The following SMARCD2 variants were observed in gnomAD, a reference collection of about 807,000 sequenced individuals.
The protein encoded by SMARCD2 is SWI/SNF-related matrix-associated actin-dependent regulator of chromatin subfamily D member 2.
Under a neutral mutation model 70.4 loss-of-function variants are expected in SMARCD2, and 39 were observed. The observed-to-expected ratio is 0.55, with a 90% CI of 0.43 to 0.72. The LOEUF is 0.72. SMARCD2 is among the 30% of genes least tolerant of loss of function. The pLI is 0.00. For synonymous variants in SMARCD2, 249 were observed against 279.4 expected (o/e 0.89, Z 1.08); for missense variants, 540 against 713.4 (o/e 0.76, Z 2.77).
chr17:63,839,375 A>C, intron 1 of SMARCD2: 1 of 256,256 alleles, frequency 3.9e-6, no homozygotes, highest in Non-Finnish European at 6.1e-6. Context: ...TGCTCCGGTA[A>C]CAGGAAGTCC....
In SMARCD2 at chr17:63,837,210, C is replaced by T. The variant is rs1259448837; in HGVS notation, c.429G>A (p.Lys143=). ...TAACACTTACTCGCTGAGGTAGAAC[C>T]TTATCTGCCATCTTCCTCCTCTTTA... ...RGLKRRKMAD[K]VLPQRIRELV... The change falls in exon 3 of 13, where the codon AAG becomes AAA. Residue 143 remains lysine (K), a synonymous_variant. Transcript: ENST00000448276. This position sits in a 1 kb window ranked among gnomAD's most constrained non-coding sequence, Gnocchi z 6.4. 1.2e-6 allele frequency: 2 copies of T among 1,613,760 alleles called. No individual in the cohort carries two copies. Among genetic ancestry groups the T allele is most frequent in the Non-Finnish European group, 1.7e-6 (2 of 1,179,890 alleles).
Position 63,832,539 on chromosome 17 carries a change from G to A in SMARCD2, c.*399C>T, listed in dbSNP as rs1334980463. The A allele has an allele frequency of 7.4e-6, 2 of 269,582 alleles. No individual in the cohort carries two copies. Among genetic ancestry groups the A allele is most frequent in the Non-Finnish European group, 1.4e-5 (2 of 140,414 alleles). The allele number at this position is 269,582 out of a possible 1,614,324, so 16.7% of individuals were successfully genotyped here. On this transcript the variant is annotated 3_prime_UTR_variant, in exon 13 of 13. Coordinates refer to ENST00000448276, the MANE Select transcript of SMARCD2 (RefSeq NM_001098426.2). ...AAGAACTTTGGTTTAGAAAGGCTAG[G>A]AAGAGTCTGGGCTGCACCTCCTCTT...
At chr17:63,842,172 A>G (rs760849823) in intron 1 of SMARCD2, among the ~76,000 whole-genome samples, 11 of 151,926 alleles carry the variant, frequency 7.2e-5, no homozygotes, top group Non-Finnish European at 1.6e-4. Context: ...ACCCGCCACA[A>G]TTCACTGGCT....
At chr17:63,839,506 A>C (rs1431459412) in intron 1 of SMARCD2, among the ~76,000 whole-genome samples, 3 of 151,964 alleles carry the variant, frequency 2.0e-5, no homozygotes, top group African/African-American at 7.3e-5. Context: ...TTATAGTTCA[A>C]GTCCCAGCTG....
At chr17:63,835,290 T>G in intron 5 of SMARCD2, 122 bp downstream of exon 5, 1 of 1,034,030 alleles carries the variant, frequency 9.7e-7, no homozygotes, top group East Asian at 2.6e-5. Context: ...ACCCAGCTAA[T>G]TTTTAAATTT....
At position 63,837,416 on chromosome 17, in the gene SMARCD2, A is replaced by C. The variant is rs201407000; in HGVS notation, c.401+25T>G. ...CTACCACCAGAGCTGAGTTAGGCAG[A>C]GTGAGAGAAGCAGGATGCTCTTACC... On this transcript the variant is annotated intron_variant, in intron 2 of 12. Coordinates refer to ENST00000448276, the MANE Select transcript of SMARCD2 (RefSeq NM_001098426.2). The surrounding 1 kb of genome is among the most constrained non-coding windows in gnomAD (Gnocchi z 6.4). 7.6e-6 allele frequency: 12 copies of C among 1,570,234 alleles called. No homozygotes were observed. The African/African-American group carries it at 1.5e-4, about 20-fold the overall frequency.
rs775593754 is a variant in SMARCD2 at position 63,832,820 on chromosome 17, G to C, written c.*118C>G. The C allele has an allele frequency of 6.9e-5, 56 of 806,514 alleles. No individual in the cohort carries two copies. The highest frequency in any genetic ancestry group is 1.1e-4 in the Non-Finnish European group (53 of 474,122). The allele number at this position is 806,514 out of a possible 1,614,324, so 50.0% of individuals were successfully genotyped here. On this transcript the variant is annotated 3_prime_UTR_variant, in exon 13 of 13. Coordinates refer to ENST00000448276, the MANE Select transcript of SMARCD2 (RefSeq NM_001098426.2). The stretch of plus-strand genomic sequence containing the variant: ...CTACATTTATAAGACTAAAGCTGGA[G>C]AGTAGAGGGTGACAGCAGACACTCC...
chr17:63,835,481 A>G lies in SMARCD2; in HGVS notation c.654T>C (p.Pro218=). The change falls in exon 5 of 13, where the codon CCT becomes CCC. Residue 218 remains proline, a synonymous_variant. Transcript: ENST00000448276. The part of the protein sequence containing the change: ...EGDSAGTAGT[P]GGTPAGDKVA... ...CCTTGTCCCCTGCTGGGGTTCCCCCAGGGGTCCCTGCAGTTCCTGCACTAT... is the reference window on the plus strand; with the variant it reads ...CCTTGTCCCCTGCTGGGGTTCCCCCGGGGGTCCCTGCAGTTCCTGCACTAT... The G allele has an allele frequency of 6.2e-7, 1 of 1,613,974 alleles. No homozygotes were observed. The highest frequency in any genetic ancestry group is 2.2e-5 in the East Asian group (1 of 44,890).
Position 63,833,508 on chromosome 17 carries a change from A to G in SMARCD2, c.1317+79T>C, listed in dbSNP as rs1051831381. 3.5e-5 allele frequency: 57 copies of G among 1,609,972 alleles called. No homozygotes were observed. In the East Asian group the frequency reaches 4.0e-4, roughly 11 times the overall value. On this transcript the variant is annotated intron_variant, in intron 10 of 12. Transcript: ENST00000448276. The surrounding 1 kb of genome is among the most constrained non-coding windows in gnomAD (Gnocchi z 4.3). ...GTTCCCATCCCGTCCTCCAGGTGCT[A>G]CATGTATGGAAATGCTGGACAGAGC...
rs1263470478 is a variant in SMARCD2 at position 63,833,032 on chromosome 17, T to C, written c.1542+37A>G. On this transcript the variant is annotated intron_variant, in intron 12 of 12. Transcript: ENST00000448276. The surrounding 1 kb of genome is among the most constrained non-coding windows in gnomAD (Gnocchi z 4.3). ...ACCAAGTGGCTCAGGCCTTTGCTAC[T>C]CACGGCCAAAGGAGGGAAAACAGGG... is the stretch of plus-strand genomic sequence containing the variant. 5 of 1,585,880 alleles carry C rather than the reference T, an allele frequency of 3.2e-6. No individual in the cohort carries two copies. The highest frequency in any genetic ancestry group is 3.6e-5 in the Admixed American group (2 of 55,842).
intron 1 of SMARCD2, chr17:63,838,760 G>C (rs2040296631): frequency 7.9e-7 from 1 of 1,271,778 alleles, no homozygotes; most frequent in African/African-American, 1.5e-5. Flanking sequence ...CTGGCCCCAG[G>C]GCCCAGATTA....
chr17:63,833,833 C>G lies in SMARCD2; in HGVS notation c.1181+76G>C. On this transcript the variant is annotated intron_variant, in intron 9 of 12. Coordinates refer to ENST00000448276, the MANE Select transcript of SMARCD2 (RefSeq NM_001098426.2). This position sits in a 1 kb window ranked among gnomAD's most constrained non-coding sequence, Gnocchi z 4.3. ...CACTCAGGGAAAAAGAAACCTGATG[C>G]TTTCTTTGGCTTTAGTTCAAGCCAA... The G allele has an allele frequency of 1.9e-6, 3 of 1,547,388 alleles. No individual in the cohort carries two copies. Among genetic ancestry groups the G allele is most frequent in the South Asian group, 1.1e-5 (1 of 89,150 alleles).
chr17:63,833,621 G>A lies in SMARCD2; in HGVS notation c.1283C>T (p.Thr428Ile). The change falls in exon 10 of 13, where the codon ACC becomes ATC. Residue 428 changes from threonine to isoleucine, a missense_variant. Thr to Ile is a moderately conservative substitution (Grantham distance 89). Coordinates refer to ENST00000448276, the MANE Select transcript of SMARCD2 (RefSeq NM_001098426.2). This position sits in a 1 kb window ranked among gnomAD's most constrained non-coding sequence, Gnocchi z 4.3. ...AQMSNFLAST[T>I]NQQEIASLDV... The stretch of plus-strand genomic sequence containing the variant: ...AAGGGAGGCGATCTCCTGCTGATTG[G>A]TGGTAGAGGCCAGAAAATTGCTCAT... 1.2e-6 allele frequency: 2 copies of A among 1,614,042 alleles called. No individual in the cohort carries two copies. Among genetic ancestry groups the A allele is most frequent in the East Asian group, 4.5e-5 (2 of 44,888 alleles).
rs1000855851 is a variant in SMARCD2 at position 63,834,869 on chromosome 17, G to T, written c.724-69C>A. On this transcript the variant is annotated intron_variant, in intron 5 of 12. Coordinates refer to ENST00000448276, the MANE Select transcript of SMARCD2 (RefSeq NM_001098426.2). This position sits in a 1 kb window ranked among gnomAD's most constrained non-coding sequence, Gnocchi z 5.6. Reference sequence around the variant, plus strand: ...AATCTCAAGCTATGCTAAATCCCAAGAAAGAGAAGCCCCATTTCAGCCCTG... The same window carrying T: ...AATCTCAAGCTATGCTAAATCCCAATAAAGAGAAGCCCCATTTCAGCCCTG... The T allele has an allele frequency of 8.9e-7, 1 of 1,122,758 alleles. No homozygotes were observed. Among genetic ancestry groups the T allele is most frequent in the Non-Finnish European group, 1.4e-6 (1 of 739,410 alleles). The allele number at this position is 1,122,758 out of a possible 1,614,324, so 69.5% of individuals were successfully genotyped here.
chr17:63,833,546 A>T lies in SMARCD2; in HGVS notation c.1317+41T>A. On this transcript the variant is annotated intron_variant, in intron 10 of 12. Transcript: ENST00000448276. The surrounding 1 kb of genome is among the most constrained non-coding windows in gnomAD (Gnocchi z 4.3). Reference sequence around the variant, plus strand: ...TGCTGGACAGAGCCAGCCCACCCCAATCCTGGGCCCCAGAGGAAGCTGTGG... The same window carrying T: ...TGCTGGACAGAGCCAGCCCACCCCATTCCTGGGCCCCAGAGGAAGCTGTGG... 1 of 1,613,514 alleles carries T rather than the reference A, an allele frequency of 6.2e-7. No homozygotes were observed. Among genetic ancestry groups the T allele is most frequent in the Non-Finnish European group, 8.5e-7 (1 of 1,179,590 alleles).
At chr17:63,836,850 G>A in intron 4 of SMARCD2, 72 bp downstream of exon 4, 1 of 1,512,636 alleles carries the variant, frequency 6.6e-7, no homozygotes, top group African/African-American at 1.4e-5. Flanking sequence ...CAACTTGCTT[G>A]GCCCCTGGAA....
intron 1 of SMARCD2, among the ~76,000 whole-genome samples, chr17:63,840,658 T>G (rs115308886): frequency 0.016 from 2,496 of 152,270 alleles, 60 homozygotes; most frequent in African/African-American, 0.058. Context: ...CAGGAACCCC[T>G]TTGTTTCCCA....
chr17:63,838,839 C>T, intron 1 of SMARCD2: 2 of 1,254,222 alleles, frequency 1.6e-6, no homozygotes, highest in South Asian at 6.6e-5. Context: ...AGGACCCTCC[C>T]CCACCCCAGC....
intron 4 of SMARCD2, 167 bp from the exon 5 acceptor site, chr17:63,835,734 C>CTTT: frequency 1.5e-5 from 7 of 459,014 alleles, no homozygotes; most frequent in Non-Finnish European, 2.6e-5. Context: ...CAGTCCCAGC[C>CTTT]TTTTTTTTTT....
Sources: allele counts gnomAD v4.1 joint callset (sites outside exome capture counted in the v4.1 genomes callset), GRCh38; gene constraint gnomAD v4.1.1; non-coding constraint Gnocchi (gnomAD v3.1); transcripts MANE v1.5; gene names NCBI Gene and HGNC (gene_info 2026-07-23, HGNC 2026-07-21).